NRXN1: variants seen among roughly 807,000 people sequenced by gnomAD.
NRXN1 encodes the protein neurexin-1.
In NRXN1, 39 loss-of-function variants were observed where a neutral mutation model predicts 150.9. That is an observed-to-expected ratio of 0.26 (90% CI 0.20 to 0.34). The LOEUF is 0.34. Ranked by LOEUF, NRXN1 falls within the 10% of genes least tolerant of loss-of-function variation. The probability of loss-of-function intolerance (pLI) is 1.00; values close to 1 mark genes in which losing one functional copy is unlikely to be tolerated. For synonymous variants in NRXN1, 924 were observed against 757.0 expected, an observed-to-expected ratio of 1.22 and a Z score of -3.62; for missense variants, 1,815 against 1,949.9, an observed-to-expected ratio of 0.93 and a Z score of 1.30.
intron 8 of NRXN1, among the ~76,000 whole-genome samples, chr2:50,560,392 G>A (rs1470187191): frequency 4.0e-5 from 6 of 151,472 alleles, no homozygotes; most frequent in Non-Finnish European, 7.4e-5. Context: ...TGTAGAAAAT[G>A]AACAAGCCCT....
chr2:50,612,431 A>G (rs1366529426), intron 8 of NRXN1, among the ~76,000 whole-genome samples: 3 of 152,170 alleles, frequency 2.0e-5, no homozygotes, highest in Non-Finnish European at 4.4e-5. Context: ...AATACCAAGT[A>G]TCAAATTATT....
chr2:50,322,020 A>C (rs1430681814), intron 17 of NRXN1, among the ~76,000 whole-genome samples: 1 of 141,194 alleles, frequency 7.1e-6, no homozygotes, highest in Admixed American at 7.1e-5. Flanking sequence ...CACAGACGTA[A>C]AAAATTACAA....
intron 8 of NRXN1, among the ~76,000 whole-genome samples, chr2:50,602,612 T>C (rs1437021855): frequency 1.3e-5 from 2 of 152,146 alleles, no homozygotes; most frequent in African/African-American, 4.8e-5. Context: ...CCTTTTTCTC[T>C]CCCTTTCTGC....
At chr2:50,219,956 A>ATATATAT (rs1193658690) in intron 18 of NRXN1, among the ~76,000 whole-genome samples, 13,456 of 82,060 alleles carry the variant, frequency 0.16, 1,258 homozygotes, top group Non-Finnish European at 0.18. Context: ...TATATATAAT[A>ATATATAT]TATATATTAT....
intron 5 of NRXN1, among the ~76,000 whole-genome samples, chr2:50,867,117 C>T (rs1028677766): frequency 2.0e-5 from 3 of 151,874 alleles, no homozygotes; most frequent in East Asian, 1.9e-4. Context: ...TTTCTTAGGA[C>T]ATCTCATGAG....
intron 5 of NRXN1, among the ~76,000 whole-genome samples, chr2:50,717,218 A>T (rs1463365992): frequency 6.6e-6 from 1 of 152,216 alleles, no homozygotes; most frequent in Non-Finnish European, 1.5e-5. Context: ...ATATTATTGG[A>T]TTAAATGACA....
In NRXN1 at chr2:50,485,686, G is replaced by A. The variant is rs1418935485; in HGVS notation, c.3070+10219C>T. ...AGCTGGGCAGGACTGCCTAGAGACAGGTCAGCCCATGTGGTAAGAGTCTGT... is the reference window on the plus strand; with the variant it reads ...AGCTGGGCAGGACTGCCTAGAGACAAGTCAGCCCATGTGGTAAGAGTCTGT... On this transcript the variant is annotated intron_variant, in intron 15 of 22. Transcript: ENST00000401669. Among the ~76,000 whole-genome samples, 5 of 152,328 alleles carry A rather than the reference G, an allele frequency of 3.3e-5. No homozygotes were observed. The East Asian group carries it at 9.7e-4, about 29-fold the overall frequency.
At chr2:49,993,129 T>G (rs1392201641) in intron 21 of NRXN1, among the ~76,000 whole-genome samples, 3 of 152,206 alleles carry the variant, frequency 2.0e-5, no homozygotes, top group Non-Finnish European at 4.4e-5. Flanking sequence ...AGCGGCTTTA[T>G]TTATAATTGC....
intron 5 of NRXN1, among the ~76,000 whole-genome samples, chr2:50,681,794 T>C (rs1172912243): frequency 6.6e-6 from 1 of 152,178 alleles, no homozygotes; most frequent in Non-Finnish European, 1.5e-5. Flanking sequence ...TGGTTTGATG[T>C]TAAATCAATA....
Position 50,345,503 on chromosome 2 carries a change from A to T in NRXN1, c.3365-108533T>A, listed in dbSNP as rs575177128. Among the ~76,000 whole-genome samples the T allele has an allele frequency of 3.9e-5, 6 of 152,298 alleles. No individual in the cohort carries two copies. The South Asian group carries it at 1.2e-3, about 32-fold the overall frequency. On this transcript the variant is annotated intron_variant, in intron 17 of 22. Coordinates refer to ENST00000401669, the MANE Select transcript of NRXN1 (RefSeq NM_001330078.2). ...CAAGAAAGAGGTGGAAAATGGATAT[A>T]AAAAAAGTGCCCACAACTTTCACTC...
At chr2:50,308,681 TGTAA>T (rs1166425048) in intron 17 of NRXN1, among the ~76,000 whole-genome samples, 1 of 152,160 alleles carries the variant, frequency 6.6e-6, no homozygotes, top group Non-Finnish European at 1.5e-5. Context: ...AGATTCCACA[TGTAA>T]GTGAGACCAT....
intron 5 of NRXN1, among the ~76,000 whole-genome samples, chr2:50,657,578 A>G (rs1274096100): frequency 1.3e-5 from 2 of 152,026 alleles, no homozygotes; most frequent in Non-Finnish European, 2.9e-5. Context: ...ATTCCCTGTG[A>G]CAGAATGTCA....
chr2:50,638,493 A>G (rs746252765), intron 5 of NRXN1, among the ~76,000 whole-genome samples: 2 of 152,302 alleles, frequency 1.3e-5, no homozygotes, highest in Non-Finnish European at 2.9e-5. Context: ...TTAGTTTGGA[A>G]GCAATTTCAT....
chr2:50,769,577 G>C (rs1702766447), intron 5 of NRXN1, among the ~76,000 whole-genome samples: 1 of 151,978 alleles, frequency 6.6e-6, no homozygotes, highest in Non-Finnish European at 1.5e-5. Flanking sequence ...TGAGATTCTA[G>C]GTTTAGAGAC....
chr2:50,726,219 G>C (rs2105162667), intron 5 of NRXN1, among the ~76,000 whole-genome samples: 1 of 152,242 alleles, frequency 6.6e-6, no homozygotes, highest in African/African-American at 2.4e-5. Context: ...ACTTTTATTT[G>C]TGCTGTGATT....
intron 5 of NRXN1, among the ~76,000 whole-genome samples, chr2:50,863,440 A>G (rs1676429123): frequency 6.6e-6 from 1 of 151,970 alleles, no homozygotes; most frequent in Non-Finnish European, 1.5e-5. Context: ...ATTGAGTTTC[A>G]GAGTAAACCT....
chr2:50,822,321 A>C (rs1669851781), intron 5 of NRXN1, among the ~76,000 whole-genome samples: 1 of 152,186 alleles, frequency 6.6e-6, no homozygotes, highest in East Asian at 1.9e-4. Context: ...CAAAGTAAGA[A>C]GTCATGCTTT....
At chr2:50,423,489 T>C (rs2084163960) in intron 17 of NRXN1, among the ~76,000 whole-genome samples, 1 of 152,032 alleles carries the variant, frequency 6.6e-6, no homozygotes, top group Non-Finnish European at 1.5e-5. Flanking sequence ...GAAGTCACCT[T>C]AAGAAGAAAA....
chr2:50,599,946 G>C (rs1675969186), intron 8 of NRXN1, among the ~76,000 whole-genome samples: 2 of 152,086 alleles, frequency 1.3e-5, no homozygotes, highest in South Asian at 4.1e-4. Flanking sequence ...CAGAAAATGG[G>C]GGATACAAAA....
Sources: gnomAD v4.1 joint callset for allele counts (sites outside exome capture counted in the v4.1 genomes callset) on GRCh38, gnomAD v4.1.1 for gene constraint, MANE v1.5 for transcripts, NCBI Gene and HGNC (gene_info 2026-07-23, HGNC 2026-07-21) for gene names.